HECW1: variants seen among roughly 807,000 people sequenced by gnomAD.
HECW1 encodes the protein E3 ubiquitin-protein ligase HECW1.
Under a neutral mutation model 182.3 loss-of-function variants are expected in HECW1, and 61 were observed. That is an observed-to-expected ratio of 0.33 (90% CI 0.27 to 0.41). The LOEUF (loss-of-function observed/expected upper bound fraction) is 0.41, where lower values mean the gene tolerates loss of function less well. Among genes scored for constraint, HECW1 ranks in the 10% least tolerant of loss-of-function variants. HECW1 has a pLI of 1.00. For synonymous variants in HECW1, 859 were observed against 832.6 expected (o/e 1.03, Z -0.55); for missense variants, 1,739 against 2,108.9 (o/e 0.82, Z 3.44).
intron 3 of HECW1, among the ~76,000 whole-genome samples, chr7:43,309,279 G>A (rs1197215644): frequency 2.6e-5 from 4 of 152,180 alleles, no homozygotes; most frequent in Non-Finnish European, 5.9e-5. Flanking sequence ...TGGGGAGGAT[G>A]TGTGCAAAGA....
chr7:43,520,948 G>C (rs936549209), intron 24 of HECW1, among the ~76,000 whole-genome samples: 1 of 152,226 alleles, frequency 6.6e-6, no homozygotes, highest in Admixed American at 6.5e-5. Flanking sequence ...TGCAGCCAGC[G>C]TGGTTTCTGG....
intron 2 of HECW1, among the ~76,000 whole-genome samples, chr7:43,235,910 C>A (rs78413089): frequency 6.6e-6 from 1 of 152,092 alleles, no homozygotes; most frequent in Non-Finnish European, 1.5e-5. Context: ...AATGAAGTGC[C>A]GGGCACGGTG....
chr7:43,338,138 C>A (rs2152798278), intron 5 of HECW1, among the ~76,000 whole-genome samples: 1 of 152,236 alleles, frequency 6.6e-6, no homozygotes, highest in South Asian at 2.1e-4. Flanking sequence ...ACTTTTGTGG[C>A]ACAGAAGGCA....
chr7:43,175,142 GT>G lies in HECW1; in HGVS notation c.-32+60761del, dbSNP rs368272389. 1.4e-3 allele frequency among the ~76,000 whole-genome samples: 206 copies of G among 147,388 alleles called. 2 individuals carry two copies. Among genetic ancestry groups the G allele is most frequent in the African/African-American group, 4.3e-3 (175 of 40,320 alleles). Reference sequence around the variant, plus strand: ...GGTATAAGTTTTTGTTGGATTTCATGTTTTTTTTTTGATGTACAACACGATG... The same window carrying G: ...GGTATAAGTTTTTGTTGGATTTCATGTTTTTTTTTGATGTACAACACGATG... On this transcript the variant is annotated intron_variant, in intron 2 of 29. Coordinates refer to ENST00000395891, the MANE Select transcript of HECW1 (RefSeq NM_015052.5).
At chr7:43,258,292 G>A (rs574218900) in intron 3 of HECW1, among the ~76,000 whole-genome samples, 23 of 151,832 alleles carry the variant, frequency 1.5e-4, no homozygotes, top group African/African-American at 4.1e-4. Flanking sequence ...GCAGTGAGCC[G>A]AGATTGTACC....
chr7:43,157,171 A>G (rs1166755242), intron 2 of HECW1, among the ~76,000 whole-genome samples: 1 of 152,232 alleles, frequency 6.6e-6, no homozygotes, highest in African/African-American at 2.4e-5. Flanking sequence ...CTATAAGCCC[A>G]AAATCAAACA....
rs569020821 is a variant in HECW1, at chr7:43,497,590, G to A, written c.3438-3109G>A. Among the ~76,000 whole-genome samples the A allele has an allele frequency of 3.3e-5, 5 of 152,168 alleles. No individual in the cohort carries two copies. In the East Asian group the frequency reaches 9.7e-4, roughly 29 times the overall value. ...GTGGGGAAAAGATAGGCTGGGGAGG[G>A]GCATAAGATGGAACAGGGGCTATGC... is the stretch of plus-strand genomic sequence containing the variant. On this transcript the variant is annotated intron_variant, in intron 19 of 29. Transcript: ENST00000395891.
rs556698896 is a variant in HECW1, at chr7:43,205,315, C to T, written c.-31-38560C>T. ...GGCCAGGCTGGTCTCAAACTCCTGA[C>T]GTCATGATCGGCCCGCCTTGGCCTC... is the stretch of plus-strand genomic sequence containing the variant. On this transcript the variant is annotated intron_variant, in intron 2 of 29. Transcript: ENST00000395891. Among the ~76,000 whole-genome samples the T allele has an allele frequency of 9.1e-4, 138 of 152,256 alleles. 3 individuals are homozygous for T. In the South Asian group the frequency reaches 0.013, roughly 14 times the overall value.
intron 5 of HECW1, among the ~76,000 whole-genome samples, chr7:43,333,542 A>G (rs978050009): frequency 6.6e-6 from 1 of 152,224 alleles, no homozygotes; most frequent in Non-Finnish European, 1.5e-5. Flanking sequence ...CACCTAGATA[A>G]CATTTTAGAA....
intron 7 of HECW1, among the ~76,000 whole-genome samples, chr7:43,401,583 T>TTTC (rs1427341189): frequency 2.0e-5 from 3 of 150,662 alleles, no homozygotes; most frequent in Non-Finnish European, 4.4e-5. Flanking sequence ...TTTTTTTTTT[T>TTTC]TTTCCCCCAA....
At chr7:43,334,680 T>G (rs1584516783) in intron 5 of HECW1, among the ~76,000 whole-genome samples, 1 of 152,334 alleles carries the variant, frequency 6.6e-6, no homozygotes, top group East Asian at 1.9e-4. Context: ...TCATCCTTGT[T>G]TTATTGTCAT....
At chr7:43,425,967 G>C (rs2076351893) in intron 8 of HECW1, among the ~76,000 whole-genome samples, 1 of 152,090 alleles carries the variant, frequency 6.6e-6, no homozygotes, top group Non-Finnish European at 1.5e-5. Flanking sequence ...AGAGAAAACA[G>C]AGTCATGGGA....
chr7:43,354,450 T>G (rs1814852027), intron 5 of HECW1, among the ~76,000 whole-genome samples: 1 of 152,122 alleles, frequency 6.6e-6, no homozygotes, highest in Non-Finnish European at 1.5e-5. Flanking sequence ...CAAGGAAATT[T>G]AACAAAGAGA....
intron 3 of HECW1, 173 bp from the exon 4 acceptor site, chr7:43,311,589 CA>C: frequency 1.3e-6 from 1 of 772,174 alleles, no homozygotes; most frequent in Admixed American, 1.7e-5. Flanking sequence ...CGTGTGAACC[CA>C]GAGCTGCAGC....
chr7:43,489,806 G>A (rs2078860552), intron 17 of HECW1, among the ~76,000 whole-genome samples: 1 of 152,192 alleles, frequency 6.6e-6, no homozygotes, highest in Non-Finnish European at 1.5e-5. Context: ...GCCTGTGTTT[G>A]TCATTAGGGA....
chr7:43,141,887 C>T (rs1220425980), intron 2 of HECW1, among the ~76,000 whole-genome samples: 3 of 152,204 alleles, frequency 2.0e-5, no homozygotes, highest in Non-Finnish European at 4.4e-5. Context: ...GTACTGGCGA[C>T]TTGGAGTCTA....
At chr7:43,539,378 T>A (rs1249529075) in intron 24 of HECW1, among the ~76,000 whole-genome samples, 2 of 152,220 alleles carry the variant, frequency 1.3e-5, no homozygotes, top group African/African-American at 4.8e-5. Context: ...TTTAAAAATA[T>A]GTATATCCAG....
At chr7:43,513,316 T>G (rs964845923) in intron 24 of HECW1, among the ~76,000 whole-genome samples, 1 of 152,238 alleles carries the variant, frequency 6.6e-6, no homozygotes, top group Non-Finnish European at 1.5e-5. Context: ...GCGTGAATGC[T>G]GCTTGTTACT....
At chr7:43,184,777 C>T (rs1793218034) in intron 2 of HECW1, among the ~76,000 whole-genome samples, 2 of 152,138 alleles carry the variant, frequency 1.3e-5, no homozygotes, top group Admixed American at 6.5e-5. Flanking sequence ...GCTCATGGTT[C>T]TGCAGGCTGT....
Sources: gnomAD v4.1 joint callset for allele counts (sites outside exome capture counted in the v4.1 genomes callset) on GRCh38, gnomAD v4.1.1 for gene constraint, MANE v1.5 for transcripts, NCBI Gene and HGNC (gene_info 2026-07-23, HGNC 2026-07-21) for gene names.